KAT6B: variants seen among roughly 807,000 people sequenced by gnomAD.
KAT6B encodes the protein histone acetyltransferase KAT6B.
In KAT6B, 10 loss-of-function variants were observed where a neutral mutation model predicts 187.5. That is an observed-to-expected ratio of 0.05 (90% confidence interval 0.03 to 0.09). The LOEUF (loss-of-function observed/expected upper bound fraction) is 0.09. Among genes scored for constraint, KAT6B ranks in the 10% least tolerant of loss-of-function variants. The pLI is 1.00. For synonymous variants in KAT6B, 861 were observed against 926.8 expected, an observed-to-expected ratio of 0.93 and a Z score of 1.29; for missense variants, 1,952 against 2,558.9, an observed-to-expected ratio of 0.76 and a Z score of 5.12.
At chr10:75,027,147 A>G (rs1845917629) in intron 17 of KAT6B, among the ~76,000 whole-genome samples, 1 of 152,178 alleles carries the variant, frequency 6.6e-6, no homozygotes, top group South Asian at 2.1e-4. Flanking sequence ...TCAAAAATAA[A>G]AAGAATGTGG....
intron 3 of KAT6B, among the ~76,000 whole-genome samples, chr10:74,876,245 A>G (rs1017754932): frequency 6.6e-6 from 1 of 151,976 alleles, no homozygotes; most frequent in Non-Finnish European, 1.5e-5. Context: ...CTTTTAAACT[A>G]TGGCAGTAGA....
At chr10:74,838,058 T>C (rs1230426860) in intron 1 of KAT6B, among the ~76,000 whole-genome samples, 1 of 152,214 alleles carries the variant, frequency 6.6e-6, no homozygotes, top group Non-Finnish European at 1.5e-5. Context: ...AAAATGCAGT[T>C]ATTCACAATT....
Position 75,029,480 on chromosome 10 carries a change from C to T in KAT6B, c.4656C>T (p.Ser1552=). The change falls in exon 18 of 18, where the codon AGC becomes AGT. Residue 1552 remains serine, a synonymous_variant. Transcript: ENST00000287239. This position sits in a 1 kb window ranked among gnomAD's most constrained non-coding sequence, Gnocchi z 6.2. ...VQAVQSLTQE[S]SEQDDTFQDC... ...CCGTTCAGTCTTTGACCCAGGAGAG[C>T]AGCGAACAGGACGACACCTTTCAGG... 2.5e-6 allele frequency: 4 copies of T among 1,614,150 alleles called. No homozygotes were observed. Among genetic ancestry groups the T allele is most frequent in the South Asian group, 2.2e-5 (2 of 91,076 alleles).
At position 75,032,219 on chromosome 10, in the gene KAT6B, C is replaced by A. The variant is rs888178008; in HGVS notation, c.*1173C>A. ...TATCTGTTCTCTTTTTAGTCAGTCA[C>A]TTCAAAAAAACAAAAAACAAACAAA... On this transcript the variant is annotated 3_prime_UTR_variant, in exon 18 of 18. Coordinates refer to ENST00000287239, the MANE Select transcript of KAT6B (RefSeq NM_012330.4). The A allele has an allele frequency of 5.2e-6, 1 of 191,804 alleles. No homozygotes were observed. The highest frequency in any genetic ancestry group is 2.3e-5 in the African/African-American group (1 of 42,830). The allele number at this position is 191,804 out of a possible 1,614,324, so 11.9% of individuals were successfully genotyped here.
At chr10:74,904,449 C>G (rs989523788) in intron 3 of KAT6B, among the ~76,000 whole-genome samples, 44 of 152,228 alleles carry the variant, frequency 2.9e-4, no homozygotes, top group African/African-American at 1.0e-3. Context: ...CATTTTGCTT[C>G]TTCAAGGTCA....
At chr10:75,012,855 A>G (rs554192658) in intron 13 of KAT6B, among the ~76,000 whole-genome samples, 4 of 152,274 alleles carry the variant, frequency 2.6e-5, no homozygotes, top group South Asian at 4.1e-4. Context: ...CACTCCTGCC[A>G]TACATCTTCC....
chr10:75,008,542 G>T (rs1844379789), intron 13 of KAT6B, among the ~76,000 whole-genome samples: 1 of 152,164 alleles, frequency 6.6e-6, no homozygotes. Context: ...CTGCCCTGGG[G>T]TTCACCCAGC....
At chr10:74,984,002 G>A (rs1299232802) in intron 11 of KAT6B, 1 of 151,936 alleles carries the variant, frequency 6.6e-6, no homozygotes, top group East Asian at 1.9e-4. Flanking sequence ...TGTCATCTCT[G>A]TATTTTTCTG....
chr10:74,861,025 T>G (rs1194007027), intron 3 of KAT6B, among the ~76,000 whole-genome samples: 1 of 151,992 alleles, frequency 6.6e-6, no homozygotes, highest in East Asian at 1.9e-4. Context: ...TAATCCCAGC[T>G]ACTCGGGAGG....
chr10:75,016,617 A>G (rs528608033), intron 13 of KAT6B, among the ~76,000 whole-genome samples: 1 of 152,340 alleles, frequency 6.6e-6, no homozygotes, highest in South Asian at 2.1e-4. Context: ...CTCACAGACA[A>G]GTTCCAGGGA....
intron 13 of KAT6B, among the ~76,000 whole-genome samples, chr10:75,007,284 A>G (rs531021670): frequency 1.3e-5 from 2 of 152,204 alleles, no homozygotes; most frequent in South Asian, 2.1e-4. Flanking sequence ...TCTAGTTACC[A>G]TTTTGCAAGA....
chr10:74,920,570 AT>A lies in KAT6B; in HGVS notation c.622-39390del, dbSNP rs148975801. 7.7e-4 allele frequency among the ~76,000 whole-genome samples: 116 copies of A among 149,994 alleles called. 3 individuals carry two copies. In the South Asian group the frequency reaches 0.019, roughly 25 times the overall value. ...ATGACAGCTGAGTATTTTTAGTTTGATTTTTTTTTTAACATTTGCTAATAAT... is the reference window on the plus strand; with the variant it reads ...ATGACAGCTGAGTATTTTTAGTTTGATTTTTTTTTAACATTTGCTAATAAT... On this transcript the variant is annotated intron_variant, in intron 3 of 17. Coordinates refer to ENST00000287239, the MANE Select transcript of KAT6B (RefSeq NM_012330.4).
At chr10:74,988,204 CA>C (rs922908960) in intron 12 of KAT6B, among the ~76,000 whole-genome samples, 7 of 152,190 alleles carry the variant, frequency 4.6e-5, no homozygotes, top group African/African-American at 1.7e-4. Context: ...TCCACGACCT[CA>C]AAAGCCTTTT....
chr10:75,008,429 C>G (rs1251804968), intron 13 of KAT6B, among the ~76,000 whole-genome samples: 1 of 152,110 alleles, frequency 6.6e-6, no homozygotes, highest in East Asian at 1.9e-4. Context: ...AAGAAAAAGG[C>G]TACGATGACT....
At chr10:74,938,838 G>A (rs1849450229) in intron 3 of KAT6B, among the ~76,000 whole-genome samples, 1 of 151,822 alleles carries the variant, frequency 6.6e-6, no homozygotes, top group South Asian at 2.1e-4. Flanking sequence ...CTGGGTTCAA[G>A]CAATTCTCGT....
upstream of KAT6B, chr10:74,825,477 G>A (rs1250916975): frequency 6.6e-6 from 1 of 152,396 alleles, no homozygotes; most frequent in African/African-American, 2.4e-5. This position sits in a 1 kb window ranked among gnomAD's most constrained non-coding sequence, Gnocchi z 5.0. Context: ...CTCGGGCTCT[G>A]TGCGCTGCAG....
intron 10 of KAT6B, among the ~76,000 whole-genome samples, chr10:74,981,348 T>C (rs1361895748): frequency 7.6e-6 from 1 of 130,734 alleles, no homozygotes; most frequent in Non-Finnish European, 1.6e-5. Context: ...CCTTTCTTCC[T>C]TTCTTTCCTT....
At chr10:74,915,532 A>G (rs1847608455) in intron 3 of KAT6B, among the ~76,000 whole-genome samples, 1 of 152,230 alleles carries the variant, frequency 6.6e-6, no homozygotes, top group Admixed American at 6.5e-5. Flanking sequence ...TTTCATTGAC[A>G]TAATGACATC....
At chr10:74,919,739 A>G (rs887898611) in intron 3 of KAT6B, among the ~76,000 whole-genome samples, 2 of 152,138 alleles carry the variant, frequency 1.3e-5, no homozygotes, top group African/African-American at 4.8e-5. Context: ...TTCAGTCTCC[A>G]ATTAAACATA....
Sources: allele counts gnomAD v4.1 joint callset (sites outside exome capture counted in the v4.1 genomes callset), GRCh38; gene constraint gnomAD v4.1.1; non-coding constraint Gnocchi (gnomAD v3.1); transcripts MANE v1.5; gene names NCBI Gene and HGNC (gene_info 2026-07-23, HGNC 2026-07-21).